Variants in ZNF516 observed in about 807,000 individuals in gnomAD.
The protein encoded by ZNF516 is zinc finger protein 516.
Under a neutral mutation model 79.7 loss-of-function variants are expected in ZNF516, and 19 were observed. That is an observed-to-expected ratio of 0.24 (90% CI 0.17 to 0.35). The LOEUF is 0.35. Among genes scored for constraint, ZNF516 ranks in the 10% least tolerant of loss-of-function variants. The pLI, the probability that ZNF516 is intolerant of heterozygous loss-of-function variation, is 1.00. For missense variants in ZNF516, 1,678 were observed against 1,679.5 expected (o/e 1.00, Z 0.02); for synonymous variants, 877 against 739.5 (o/e 1.19, Z -3.02).
At chr18:76,491,666 C>A in intron 1 of ZNF516, 2 of 618,930 alleles carry the variant, frequency 3.2e-6, no homozygotes, top group Non-Finnish European at 4.0e-6. Context: ...CAAGCGGCCA[C>A]CGCCCCCACC....
At chr18:76,457,069 T>C (rs1912775531) in intron 2 of ZNF516, among the ~76,000 whole-genome samples, 1 of 152,236 alleles carries the variant, frequency 6.6e-6, no homozygotes, top group Admixed American at 6.5e-5. Context: ...GGAGAAGGGT[T>C]ATGCAGCCTG....
At chr18:76,435,372 A>T (rs1422194489) in intron 3 of ZNF516, among the ~76,000 whole-genome samples, 2 of 152,262 alleles carry the variant, frequency 1.3e-5, no homozygotes, top group Admixed American at 1.3e-4. Flanking sequence ...CCATGCATAG[A>T]TTATCAACGC....
Position 76,443,100 on chromosome 18 carries a change from C to G in ZNF516, c.-46G>C. ...GTGGTGGCGGCACAGCTTTCTGTCGCGCGGGCTGCAGGGACCGTCCTATCT... is the reference window on the plus strand; with the variant it reads ...GTGGTGGCGGCACAGCTTTCTGTCGGGCGGGCTGCAGGGACCGTCCTATCT... On this transcript the variant is annotated 5_prime_UTR_variant, in exon 3 of 7. Transcript: ENST00000443185. The G allele has an allele frequency of 6.5e-7, 1 of 1,532,116 alleles. No individual in the cohort carries two copies. Among genetic ancestry groups the G allele is most frequent in the East Asian group, 2.4e-5 (1 of 41,320 alleles). 94.9% of individuals were successfully genotyped at this position (1,532,116 alleles called of 1,614,324 possible).
Position 76,362,319 on chromosome 18 carries a change from A to G in ZNF516, c.*179T>C. ...TTATTTCTGAACGTTTAACAAGGAG[A>G]GGCATCTGCCTTCAGTTTCCACTCC... On this transcript the variant is annotated 3_prime_UTR_variant, in exon 7 of 7. Coordinates refer to ENST00000443185, the MANE Select transcript of ZNF516 (RefSeq NM_014643.4). 1 of 548,712 alleles carries G rather than the reference A, an allele frequency of 1.8e-6. No individual in the cohort carries two copies. Among genetic ancestry groups the G allele is most frequent in the Non-Finnish European group, 3.4e-6 (1 of 297,622 alleles). The allele number at this position is 548,712 out of a possible 1,614,324, so 34.0% of individuals were successfully genotyped here.
intron 3 of ZNF516, among the ~76,000 whole-genome samples, chr18:76,422,028 C>T (rs1185264919): frequency 6.6e-6 from 1 of 152,100 alleles, no homozygotes; most frequent in African/African-American, 2.4e-5. Flanking sequence ...TGAGTATTAT[C>T]GTTATTTTAA....
intron 3 of ZNF516, among the ~76,000 whole-genome samples, chr18:76,401,450 A>G (rs1187001013): frequency 6.6e-6 from 1 of 152,144 alleles, no homozygotes; most frequent in African/African-American, 2.4e-5. Context: ...GGAGCCCTGG[A>G]TCTATGAATT....
chr18:76,439,854 G>C (rs1266790986), intron 3 of ZNF516, among the ~76,000 whole-genome samples: 1 of 152,038 alleles, frequency 6.6e-6, no homozygotes, highest in Non-Finnish European at 1.5e-5. Flanking sequence ...AGTAAAATCT[G>C]TATTTATAAA....
chr18:76,463,957 C>T (rs1913284253), intron 1 of ZNF516, among the ~76,000 whole-genome samples: 1 of 152,212 alleles, frequency 6.6e-6, no homozygotes, highest in Admixed American at 6.5e-5. Flanking sequence ...AGAAGATCCA[C>T]CGAAACAAGA....
At chr18:76,376,236 C>T (rs2074784945) in intron 4 of ZNF516, among the ~76,000 whole-genome samples, 1 of 152,188 alleles carries the variant, frequency 6.6e-6, no homozygotes, top group Non-Finnish European at 1.5e-5. Flanking sequence ...TCTGGAGATG[C>T]TCGGCACTTC....
intron 3 of ZNF516, among the ~76,000 whole-genome samples, chr18:76,405,474 T>C (rs2075291740): frequency 1.3e-5 from 2 of 152,138 alleles, no homozygotes; most frequent in Admixed American, 6.5e-5. Context: ...TGCATCAGCA[T>C]GAAGCAGCTG....
intron 3 of ZNF516, among the ~76,000 whole-genome samples, chr18:76,413,942 C>T (rs2075402112): frequency 6.6e-6 from 1 of 152,198 alleles, no homozygotes; most frequent in Admixed American, 6.5e-5. Context: ...AATATTTAAG[C>T]AGTTTGTCTG....
chr18:76,368,644 G>C (rs2074656104), intron 6 of ZNF516, among the ~76,000 whole-genome samples: 1 of 152,054 alleles, frequency 6.6e-6, no homozygotes, highest in East Asian at 1.9e-4. Flanking sequence ...TTGGTATGAA[G>C]TATAAAATAA....
chr18:76,489,454 G>A (rs916134822), intron 1 of ZNF516, among the ~76,000 whole-genome samples: 4 of 152,060 alleles, frequency 2.6e-5, no homozygotes, highest in African/African-American at 7.2e-5. Flanking sequence ...TCCTTGCAGG[G>A]GGAAGTTAGG....
intron 1 of ZNF516, among the ~76,000 whole-genome samples, chr18:76,476,054 A>T (rs184724986): frequency 8.5e-5 from 13 of 152,354 alleles, no homozygotes; most frequent in Non-Finnish European, 1.8e-4. Flanking sequence ...CTCGATGGCC[A>T]AGATGATGAA....
chr18:76,478,923 G>A (rs1380796900), intron 1 of ZNF516, among the ~76,000 whole-genome samples: 2 of 152,150 alleles, frequency 1.3e-5, no homozygotes, highest in Non-Finnish European at 2.9e-5. Flanking sequence ...GGGCATGGTT[G>A]TGTGCGCCTG....
At chr18:76,385,415 C>A (rs958464637) in intron 3 of ZNF516, among the ~76,000 whole-genome samples, 1 of 152,202 alleles carries the variant, frequency 6.6e-6, no homozygotes, top group Non-Finnish European at 1.5e-5. Context: ...CACAGAAATG[C>A]GGTGAGGGCA....
At chr18:76,408,805 AAC>A (rs1256218391) in intron 3 of ZNF516, among the ~76,000 whole-genome samples, 1 of 152,256 alleles carries the variant, frequency 6.6e-6, no homozygotes, top group African/African-American at 2.4e-5. Flanking sequence ...TCAGTCGACA[AAC>A]ATTTTCCTAT....
chr18:76,438,094 T>G (rs57578010), intron 3 of ZNF516, among the ~76,000 whole-genome samples: 3,319 of 152,336 alleles, frequency 0.022, 118 homozygotes, highest in African/African-American at 0.074. Flanking sequence ...GCACCGCTTG[T>G]GCATTATGAG....
At chr18:76,436,637 TAGA>T (rs1406094128) in intron 3 of ZNF516, among the ~76,000 whole-genome samples, 3 of 152,274 alleles carry the variant, frequency 2.0e-5, no homozygotes, top group African/African-American at 7.2e-5. Flanking sequence ...AAGAAACGCT[TAGA>T]AGAAGTACCA....
Sources: allele counts gnomAD v4.1 joint callset (sites outside exome capture counted in the v4.1 genomes callset), GRCh38; gene constraint gnomAD v4.1.1; transcripts MANE v1.5; gene names NCBI Gene and HGNC (gene_info 2026-07-23, HGNC 2026-07-21).